The following ARIH2 variants were observed in gnomAD, a reference collection of about 807,000 sequenced individuals.
ARIH2 encodes ariadne RBR E3 ubiquitin protein ligase 2.
Under a neutral mutation model 79.8 loss-of-function variants are expected in ARIH2, and 12 were observed. The observed-to-expected ratio is 0.15, with a 90% CI of 0.10 to 0.24. The LOEUF (loss-of-function observed/expected upper bound fraction) is 0.24, where lower values mean the gene tolerates loss of function less well. Among genes scored for constraint, ARIH2 ranks in the 10% least tolerant of loss-of-function variants. The probability of loss-of-function intolerance (pLI) is 1.00; values close to 1 mark genes in which losing one functional copy is unlikely to be tolerated. For missense variants in ARIH2, 301 were observed against 618.3 expected (o/e 0.49, Z 5.44); for synonymous variants, 224 against 213.9 (o/e 1.05, Z -0.41).
intron 4 of ARIH2, 114 bp from the exon 5 acceptor site, chr3:48,964,805 T>A: frequency 1.3e-6 from 1 of 776,782 alleles, no homozygotes; most frequent in Non-Finnish European, 2.1e-6. Context: ...AGCTTAGTTC[T>A]GTGAGAAAGT....
chr3:48,957,029 A>G (rs1221798118), intron 3 of ARIH2, among the ~76,000 whole-genome samples: 1 of 152,114 alleles, frequency 6.6e-6, no homozygotes, highest in Non-Finnish European at 1.5e-5. Context: ...ATACGTATTG[A>G]TGTCCTCTTG....
intron 3 of ARIH2, among the ~76,000 whole-genome samples, chr3:48,952,955 G>T (rs1413185194): frequency 6.6e-6 from 1 of 151,290 alleles, no homozygotes; most frequent in Non-Finnish European, 1.5e-5. Flanking sequence ...TTTAAACGCA[G>T]TCTCGTTCTT....
chr3:48,980,211 G>A, intron 12 of ARIH2, 142 bp from the exon 13 acceptor site: 1 of 805,736 alleles, frequency 1.2e-6, no homozygotes, highest in Non-Finnish European at 2.0e-6. Flanking sequence ...GACTGAAGAA[G>A]ACCTGCTCTT....
chr3:48,967,355 C>CT, intron 6 of ARIH2, 80 bp downstream of exon 6: 7 of 1,449,772 alleles, frequency 4.8e-6, no homozygotes, highest in Non-Finnish European at 6.6e-6. Context: ...CTCAAGTAAA[C>CT]TGAGTATTTT....
At chr3:48,951,149 A>G (rs2089910682) in intron 3 of ARIH2, among the ~76,000 whole-genome samples, 1 of 151,886 alleles carries the variant, frequency 6.6e-6, no homozygotes, top group African/African-American at 2.4e-5. Flanking sequence ...CTTTTTGTAG[A>G]GACAGGGTTT....
At chr3:48,962,249 C>T (rs2091352388) in intron 4 of ARIH2, among the ~76,000 whole-genome samples, 1 of 151,896 alleles carries the variant, frequency 6.6e-6, no homozygotes, top group African/African-American at 2.4e-5. Flanking sequence ...TGGTGGTGCA[C>T]TCCTGTAGTC....
At chr3:48,977,157 G>T (rs1475093873) in intron 11 of ARIH2, among the ~76,000 whole-genome samples, 1 of 151,850 alleles carries the variant, frequency 6.6e-6, no homozygotes. Context: ...AGCCAGGATC[G>T]CACCACTGCA....
At chr3:48,969,897 T>G (rs1165475036) in intron 7 of ARIH2, among the ~76,000 whole-genome samples, 7 of 151,392 alleles carry the variant, frequency 4.6e-5, no homozygotes, top group African/African-American at 9.7e-5. Context: ...TATATGTTTT[T>G]TTTTTTTTTT....
In ARIH2 at chr3:48,980,390, AG is replaced by A; in HGVS notation, c.1152del (p.Thr385HisfsTer14). The A allele has an allele frequency of 6.2e-7, 1 of 1,614,144 alleles. No individual in the cohort carries two copies. Among genetic ancestry groups the A allele is most frequent in the Non-Finnish European group, 8.5e-7 (1 of 1,180,030 alleles). On this transcript the variant is annotated frameshift_variant, in exon 13 of 16. Transcript: ENST00000356401. LOFTEE classifies it high-confidence loss of function. ...NHNKSLQLEAQTYQRIHEKIQ... is the reference protein window; with the variant it reads ...NHNKSLQLEAXTYQRIHEKIQ... ...AATAAAAGCTTGCAGCTAGAGGCAC[AG>A]ACATACCAGCGGATTCACGAGAAGA... is the stretch of plus-strand genomic sequence containing the variant.
At chr3:48,950,953 T>TC (rs2089877423) in intron 3 of ARIH2, among the ~76,000 whole-genome samples, 1 of 140,890 alleles carries the variant, frequency 7.1e-6, no homozygotes, top group African/African-American at 2.8e-5. Context: ...TTCTTCTTCT[T>TC]TTTTTTTTTT....
chr3:48,983,590 A>G lies in ARIH2; in HGVS notation c.*320A>G. On this transcript the variant is annotated 3_prime_UTR_variant, in exon 16 of 16. Coordinates refer to ENST00000356401, the MANE Select transcript of ARIH2 (RefSeq NM_006321.4). ...TCATTACAACTTATGTAACTTTCAAAGGTTGTACAATTATACAAAAAAAAA... is the reference window on the plus strand; with the variant it reads ...TCATTACAACTTATGTAACTTTCAAGGGTTGTACAATTATACAAAAAAAAA... 1 of 242,368 alleles carries G rather than the reference A, an allele frequency of 4.1e-6. No individual in the cohort carries two copies. The allele number at this position is 242,368 out of a possible 1,614,324, so 15.0% of individuals were successfully genotyped here.
intron 3 of ARIH2, among the ~76,000 whole-genome samples, chr3:48,943,808 T>A (rs1334079445): frequency 6.6e-6 from 1 of 152,158 alleles, no homozygotes; most frequent in Non-Finnish European, 1.5e-5. Context: ...GGTACTACCA[T>A]CTTATTGGTA....
At chr3:48,952,631 T>G (rs1230214393) in intron 3 of ARIH2, among the ~76,000 whole-genome samples, 1 of 151,634 alleles carries the variant, frequency 6.6e-6, no homozygotes, top group Non-Finnish European at 1.5e-5. Flanking sequence ...GAGGGTAAAG[T>G]GGTTAAGGAA....
intron 1 of ARIH2, among the ~76,000 whole-genome samples, chr3:48,921,948 C>A (rs1028098487): frequency 6.6e-6 from 1 of 152,038 alleles, no homozygotes; most frequent in Admixed American, 6.6e-5. Context: ...GCCACGACAG[C>A]ATGAGTAAAG....
intron 1 of ARIH2, among the ~76,000 whole-genome samples, chr3:48,919,701 T>C (rs1359836394): frequency 6.6e-6 from 1 of 152,202 alleles, no homozygotes; most frequent in East Asian, 1.9e-4. Flanking sequence ...TGTAATTAAA[T>C]TTAAATAACC....
chr3:48,955,299 A>G (rs1406597093), intron 3 of ARIH2, among the ~76,000 whole-genome samples: 1 of 151,332 alleles, frequency 6.6e-6, no homozygotes, highest in African/African-American at 2.4e-5. Flanking sequence ...TGAACACCAC[A>G]TTGGTCACAT....
At chr3:48,968,679 C>T (rs772088391) in intron 7 of ARIH2, 24 bp downstream of exon 7, 2 of 1,598,752 alleles carry the variant, frequency 1.3e-6, no homozygotes, top group Admixed American at 1.7e-5. Flanking sequence ...TTGTTCTGCC[C>T]TCTGTCTTCC....
intron 9 of ARIH2, among the ~76,000 whole-genome samples, chr3:48,974,250 T>TGTCA (rs1411113119): frequency 6.6e-6 from 1 of 152,192 alleles, no homozygotes; most frequent in Admixed American, 6.5e-5. Context: ...CTGTACCCTT[T>TGTCA]GTCAGTCACT....
At chr3:48,962,446 A>G (rs1203487135) in intron 4 of ARIH2, among the ~76,000 whole-genome samples, 1 of 152,068 alleles carries the variant, frequency 6.6e-6, no homozygotes, top group Non-Finnish European at 1.5e-5. Context: ...GTATTTGAGT[A>G]TTTCTTTCCA....
Sources: gnomAD v4.1 joint callset for allele counts (sites outside exome capture counted in the v4.1 genomes callset) on GRCh38, gnomAD v4.1.1 for gene constraint, MANE v1.5 for transcripts, NCBI Gene and HGNC (gene_info 2026-07-23, HGNC 2026-07-21) for gene names.